GPC6: variants seen among roughly 807,000 people sequenced by gnomAD.
GPC6 encodes the protein glypican-6.
GPC6 carries 14 observed loss-of-function variants against 55.2 expected under a neutral mutation model. That is an observed-to-expected ratio of 0.25 (90% CI 0.17 to 0.40). The LOEUF is 0.40. Among genes scored for constraint, GPC6 ranks in the 10% least tolerant of loss-of-function variants. GPC6 has a pLI of 1.00. For missense variants in GPC6, 641 were observed against 708.5 expected (o/e 0.90, Z 1.08); for synonymous variants, 278 against 259.6 (o/e 1.07, Z -0.68).
At chr13:93,518,776 A>T (rs1172250173) in intron 1 of GPC6, among the ~76,000 whole-genome samples, 2 of 152,036 alleles carry the variant, frequency 1.3e-5, no homozygotes, top group African/African-American at 4.8e-5. Flanking sequence ...AAGATTTAAA[A>T]GCACTTTGTT....
At chr13:93,706,059 T>C (rs940768676) in intron 2 of GPC6, among the ~76,000 whole-genome samples, 1 of 151,862 alleles carries the variant, frequency 6.6e-6, no homozygotes, top group Non-Finnish European at 1.5e-5. Flanking sequence ...GTTAAGTAGC[T>C]GTAAAGTTTG....
At chr13:93,904,616 T>A (rs1876537219) in intron 3 of GPC6, among the ~76,000 whole-genome samples, 1 of 152,098 alleles carries the variant, frequency 6.6e-6, no homozygotes, top group Admixed American at 6.5e-5. Context: ...TGCATGCCTA[T>A]TGTCCCAGCT....
intron 7 of GPC6, among the ~76,000 whole-genome samples, chr13:94,389,255 T>C (rs770129190): frequency 1.3e-5 from 2 of 152,128 alleles, no homozygotes; most frequent in Non-Finnish European, 2.9e-5. Flanking sequence ...CCTCCCAAAG[T>C]TCCTGGGGTG....
At chr13:93,451,030 A>G (rs774999751) in intron 1 of GPC6, among the ~76,000 whole-genome samples, 3 of 152,156 alleles carry the variant, frequency 2.0e-5, no homozygotes, top group Non-Finnish European at 4.4e-5. Context: ...GATAATTTTG[A>G]AAGTTATTTA....
chr13:94,099,432 G>A (rs766697221), intron 4 of GPC6, among the ~76,000 whole-genome samples: 9 of 151,920 alleles, frequency 5.9e-5, no homozygotes, highest in Non-Finnish European at 1.3e-4. Context: ...TGCATATTAT[G>A]GCTTGCTTCA....
chr13:93,674,487 C>G (rs1881500927), intron 2 of GPC6, among the ~76,000 whole-genome samples: 1 of 152,146 alleles, frequency 6.6e-6, no homozygotes, highest in Non-Finnish European at 1.5e-5. Flanking sequence ...TTATTAACTA[C>G]AGACCACGCT....
intron 4 of GPC6, among the ~76,000 whole-genome samples, chr13:94,245,667 G>A (rs73549921): frequency 0.013 from 1,967 of 152,118 alleles, 51 homozygotes; most frequent in African/African-American, 0.043. Context: ...AGGTCAATCC[G>A]TGTTGTGGCA....
intron 3 of GPC6, among the ~76,000 whole-genome samples, chr13:93,914,865 A>G (rs1347802247): frequency 2.6e-5 from 4 of 152,212 alleles, no homozygotes; most frequent in Non-Finnish European, 5.9e-5. Context: ...TGTTCACCCT[A>G]TACTGAAGCA....
At chr13:94,133,761 C>G (rs1452344609) in intron 4 of GPC6, among the ~76,000 whole-genome samples, 2 of 150,498 alleles carry the variant, frequency 1.3e-5, no homozygotes, top group Non-Finnish European at 3.0e-5. Flanking sequence ...ATTAAAAGAA[C>G]AAGAAACATT....
chr13:93,385,258 T>G (rs1875348157), intron 1 of GPC6, among the ~76,000 whole-genome samples: 1 of 151,820 alleles, frequency 6.6e-6, no homozygotes, highest in African/African-American at 2.4e-5. Context: ...GCTGGAGGAG[T>G]GGACACCACT....
chr13:93,930,210 G>A (rs1179869941), intron 3 of GPC6, among the ~76,000 whole-genome samples: 1 of 151,554 alleles, frequency 6.6e-6, no homozygotes, highest in African/African-American at 2.4e-5. Context: ...GGTATAAGCA[G>A]GTACTTATGC....
intron 4 of GPC6, among the ~76,000 whole-genome samples, chr13:94,062,662 G>A: frequency 6.6e-6 from 1 of 152,120 alleles, no homozygotes; most frequent in African/African-American, 2.4e-5. Flanking sequence ...TTTTAAATAA[G>A]GCTAAATTGT....
chr13:93,825,099 A>G (rs1029686808), intron 2 of GPC6, among the ~76,000 whole-genome samples: 1 of 152,144 alleles, frequency 6.6e-6, no homozygotes, highest in Non-Finnish European at 1.5e-5. Flanking sequence ...TTCTATTAGT[A>G]GACCTTGGAA....
intron 4 of GPC6, among the ~76,000 whole-genome samples, chr13:94,096,529 G>A (rs1005686268): frequency 2.0e-5 from 3 of 152,046 alleles, no homozygotes; most frequent in Non-Finnish European, 4.4e-5. Context: ...AATAACTCCT[G>A]AGACACAGCA....
chr13:93,608,556 A>T (rs1416355406), intron 2 of GPC6, among the ~76,000 whole-genome samples: 1 of 152,178 alleles, frequency 6.6e-6, no homozygotes, highest in Non-Finnish European at 1.5e-5. Context: ...CAATCTTTTC[A>T]TGTTGACCCA....
chr13:94,250,528 T>C (rs1439361679), intron 4 of GPC6, among the ~76,000 whole-genome samples: 1 of 152,172 alleles, frequency 6.6e-6, no homozygotes. Context: ...ATAATTGTGA[T>C]TTTAGTTATA....
Position 93,523,622 on chromosome 13 carries a change from A to G in GPC6, c.161-21641A>G, listed in dbSNP as rs973507648. On this transcript the variant is annotated intron_variant, in intron 1 of 8. Transcript: ENST00000377047. ...GTGCTGTGATTATGGGTATTTTGTT[A>G]TGCCTGATTTTACATTTTACACAGC... Among the ~76,000 whole-genome samples, 2 of 151,936 alleles carry G rather than the reference A, an allele frequency of 1.3e-5. 1 individual carries two copies. Among genetic ancestry groups the G allele is most frequent in the South Asian group, 4.1e-4 (2 of 4,820 alleles).
intron 1 of GPC6, among the ~76,000 whole-genome samples, chr13:93,253,575 G>A (rs1407138565): frequency 6.6e-6 from 1 of 152,148 alleles, no homozygotes; most frequent in African/African-American, 2.4e-5. Flanking sequence ...CCTAAAGGAG[G>A]ACAGGTGAAG....
At chr13:93,273,935 G>A (rs2139057194) in intron 1 of GPC6, among the ~76,000 whole-genome samples, 1 of 152,036 alleles carries the variant, frequency 6.6e-6, no homozygotes, top group African/African-American at 2.4e-5. Flanking sequence ...AGCGTCCTGA[G>A]TAGCTGGGAT....
Sources: allele counts gnomAD v4.1 joint callset (sites outside exome capture counted in the v4.1 genomes callset), GRCh38; gene constraint gnomAD v4.1.1; transcripts MANE v1.5; gene names NCBI Gene and HGNC (gene_info 2026-07-23, HGNC 2026-07-21).